SLC2A13: variants seen among roughly 807,000 people sequenced by gnomAD.
The protein encoded by SLC2A13 is solute carrier family 2 member 13, also known as proton myo-inositol cotransporter.
In SLC2A13, 32 loss-of-function variants were observed where a neutral mutation model predicts 64.4. The ratio of observed to expected loss-of-function variants is 0.50; its 90% CI spans 0.37 to 0.67. The LOEUF (loss-of-function observed/expected upper bound fraction) is 0.67, where lower values mean the gene tolerates loss of function less well. SLC2A13 is among the 30% of genes least tolerant of loss of function. SLC2A13 has a pLI of 0.00. For synonymous variants in SLC2A13, 338 were observed against 327.1 expected, an observed-to-expected ratio of 1.03 and a Z score of -0.36; for missense variants, 743 against 829.2, an observed-to-expected ratio of 0.90 and a Z score of 1.28.
chr12:40,078,339 G>C (rs1254330413), intron 1 of SLC2A13, among the ~76,000 whole-genome samples: 1 of 152,070 alleles, frequency 6.6e-6, no homozygotes, highest in Admixed American at 6.6e-5. Flanking sequence ...TGCCTACTTT[G>C]TTGAGGGTTT....
chr12:39,962,965 A>T (rs1028466777), intron 3 of SLC2A13, among the ~76,000 whole-genome samples: 3 of 152,186 alleles, frequency 2.0e-5, no homozygotes, highest in Non-Finnish European at 2.9e-5. Context: ...TCTCTAGTAG[A>T]ATTTCTCCAT....
chr12:40,020,045 G>C (rs998653792), intron 3 of SLC2A13, among the ~76,000 whole-genome samples: 3 of 152,172 alleles, frequency 2.0e-5, no homozygotes. Flanking sequence ...AGAGGGTTTA[G>C]AGGGCCTCAG....
At chr12:39,847,192 T>C (rs1422867578) in intron 6 of SLC2A13, among the ~76,000 whole-genome samples, 1 of 152,170 alleles carries the variant, frequency 6.6e-6, no homozygotes, top group Non-Finnish European at 1.5e-5. Flanking sequence ...TTGTACTTCC[T>C]GCTGTCAAGC....
At chr12:39,781,345 A>C (rs1940974805) in intron 7 of SLC2A13, among the ~76,000 whole-genome samples, 1 of 151,270 alleles carries the variant, frequency 6.6e-6, no homozygotes, top group Non-Finnish European at 1.5e-5. Context: ...CAGTCTCCTA[A>C]AAAGAGCCCA....
chr12:39,887,977 A>G (rs1252525584), intron 4 of SLC2A13, among the ~76,000 whole-genome samples: 5 of 152,092 alleles, frequency 3.3e-5, no homozygotes, highest in Non-Finnish European at 7.4e-5. Context: ...TTCGTATCCC[A>G]CATCACCACC....
intron 3 of SLC2A13, among the ~76,000 whole-genome samples, chr12:39,971,150 G>A (rs1399135435): frequency 1.3e-5 from 2 of 151,494 alleles, no homozygotes; most frequent in Non-Finnish European, 2.9e-5. Flanking sequence ...ATTTTTGAAT[G>A]TATCTTCCAT....
Position 39,904,944 on chromosome 12 carries a change from T to G in SLC2A13, c.1035-32983A>C, listed in dbSNP as rs57522496. Among the ~76,000 whole-genome samples, 1,101 of 152,210 alleles carry G rather than the reference T, an allele frequency of 7.2e-3. 10 individuals carry two copies. The highest frequency in any genetic ancestry group is 0.026 in the African/African-American group (1,061 of 41,548). On this transcript the variant is annotated intron_variant, in intron 4 of 9. Coordinates refer to ENST00000280871, the MANE Select transcript of SLC2A13 (RefSeq NM_052885.4). ...TGCACACACACATAAGGCATGCCAC[T>G]TTTTGATACAGACGTGCAGGCAAAC...
intron 1 of SLC2A13, among the ~76,000 whole-genome samples, chr12:40,054,795 A>G (rs1036747866): frequency 1.3e-5 from 2 of 152,206 alleles, no homozygotes; most frequent in African/African-American, 2.4e-5. Flanking sequence ...ACCAAATACC[A>G]TTAGAAAATC....
At chr12:39,769,418 C>T (rs561000152) in intron 7 of SLC2A13, among the ~76,000 whole-genome samples, 1 of 152,176 alleles carries the variant, frequency 6.6e-6, no homozygotes, top group East Asian at 1.9e-4. Context: ...GATCTTTTAA[C>T]AACTGGAATT....
intron 7 of SLC2A13, among the ~76,000 whole-genome samples, chr12:39,769,888 T>C (rs1258703969): frequency 6.6e-6 from 1 of 152,102 alleles, no homozygotes; most frequent in Non-Finnish European, 1.5e-5. Context: ...CTAACTTTTA[T>C]GTGGTCTTTT....
At chr12:39,854,476 C>T (rs188933095) in intron 6 of SLC2A13, among the ~76,000 whole-genome samples, 4 of 152,288 alleles carry the variant, frequency 2.6e-5, no homozygotes, top group East Asian at 1.9e-4. Context: ...CCTGCCCAAA[C>T]GCCTTTTCCC....
At chr12:40,091,466 A>AC (rs1938765411) in intron 1 of SLC2A13, among the ~76,000 whole-genome samples, 3 of 152,192 alleles carry the variant, frequency 2.0e-5, no homozygotes, top group Admixed American at 1.3e-4. Flanking sequence ...GTGTTTTTGC[A>AC]AACTATTATA....
chr12:40,035,556 T>C (rs1947970602), intron 2 of SLC2A13, among the ~76,000 whole-genome samples: 2 of 152,080 alleles, frequency 1.3e-5, no homozygotes, highest in Non-Finnish European at 2.9e-5. Context: ...AGAATAAACA[T>C]AAGACCATGG....
chr12:39,926,680 A>G (rs986175373), intron 4 of SLC2A13, among the ~76,000 whole-genome samples: 2 of 152,138 alleles, frequency 1.3e-5, no homozygotes, highest in African/African-American at 2.4e-5. Flanking sequence ...CTGTGGCCCA[A>G]TCATAGCTCA....
At chr12:39,960,988 C>T (rs1946402509) in intron 3 of SLC2A13, among the ~76,000 whole-genome samples, 1 of 150,960 alleles carries the variant, frequency 6.6e-6, no homozygotes, top group Non-Finnish European at 1.5e-5. Context: ...CTTCAGTGAT[C>T]CACTCGTCTT....
chr12:40,106,035 T>G lies in SLC2A13; in HGVS notation c.-227A>C. On this transcript the variant is annotated 5_prime_UTR_variant, in exon 1 of 10. Transcript: ENST00000280871. ...GGAGTTGGAGCCCGGCGGGTCTCAC[T>G]CCACACTCACGCCCCGCGCCTGCCG... 2.3e-6 allele frequency: 1 copy of G among 426,404 alleles called. No homozygotes were observed. The highest frequency in any genetic ancestry group is 4.0e-5 in the East Asian group (1 of 24,774). 26.4% of individuals were successfully genotyped at this position (426,404 alleles called of 1,614,324 possible). A position where few individuals can be genotyped will look rare whatever the true frequency, so the allele number is the denominator to read the frequency against.
At chr12:39,850,866 T>C (rs963649998) in intron 6 of SLC2A13, among the ~76,000 whole-genome samples, 1 of 152,062 alleles carries the variant, frequency 6.6e-6, no homozygotes, top group Non-Finnish European at 1.5e-5. Context: ...AAATGAAATA[T>C]CAGGAAGAGC....
At chr12:40,077,848 C>T (rs1266421092) in intron 1 of SLC2A13, among the ~76,000 whole-genome samples, 1 of 152,088 alleles carries the variant, frequency 6.6e-6, no homozygotes, top group African/African-American at 2.4e-5. Flanking sequence ...TGGTAATTCT[C>T]ATTGCACAGA....
chr12:39,850,894 C>A (rs561368499), intron 6 of SLC2A13, among the ~76,000 whole-genome samples: 4 of 151,642 alleles, frequency 2.6e-5, no homozygotes, highest in African/African-American at 9.7e-5. Flanking sequence ...TTAGGCCCCA[C>A]AAAGTTAATT....
Sources: gnomAD v4.1 joint callset for allele counts (sites outside exome capture counted in the v4.1 genomes callset) on GRCh38, gnomAD v4.1.1 for gene constraint, MANE v1.5 for transcripts, NCBI Gene and HGNC (gene_info 2026-07-23, HGNC 2026-07-21) for gene names.